Variants in GRIK4 observed in about 807,000 individuals in gnomAD.
The protein encoded by GRIK4 is glutamate receptor ionotropic, kainate 4.
GRIK4 carries 40 observed loss-of-function variants against 104.9 expected under a neutral mutation model. The observed-to-expected ratio is 0.38, with a 90% CI of 0.30 to 0.50. The LOEUF is 0.50. Ranked by LOEUF, GRIK4 falls within the 20% of genes least tolerant of loss-of-function variation. GRIK4 has a pLI of 0.93. For synonymous variants in GRIK4, 485 were observed against 524.9 expected (o/e 0.92, Z 1.04); for missense variants, 1,047 against 1,308.1 (o/e 0.80, Z 3.08).
intron 3 of GRIK4, among the ~76,000 whole-genome samples, chr11:120,727,281 A>G (rs565994423): frequency 1.2e-4 from 18 of 152,194 alleles, no homozygotes; most frequent in Non-Finnish European, 2.4e-4. Flanking sequence ...ACCACTGGGA[A>G]TGGAATAGAA....
chr11:120,614,727 C>T lies in GRIK4; in HGVS notation c.-158-38958C>T, dbSNP rs1015993658. Among the ~76,000 whole-genome samples, 5 of 152,272 alleles carry T rather than the reference C, an allele frequency of 3.3e-5. No individual in the cohort carries two copies. In the South Asian group the frequency reaches 6.2e-4, roughly 19 times the overall value. ...ATTAAAACTGTAAGTTGGCTGGGCG[C>T]GGTGGCTCACGTCTGTAATCCCAGC... is the stretch of plus-strand genomic sequence containing the variant. On this transcript the variant is annotated intron_variant, in intron 1 of 20. Coordinates refer to ENST00000527524, the MANE Select transcript of GRIK4 (RefSeq NM_014619.5).
intron 3 of GRIK4, among the ~76,000 whole-genome samples, chr11:120,706,575 G>A (rs1950632974): frequency 6.6e-6 from 1 of 152,160 alleles, no homozygotes; most frequent in South Asian, 2.1e-4. Flanking sequence ...TTGGTGGGTG[G>A]TATGCTCTGA....
intron 3 of GRIK4, among the ~76,000 whole-genome samples, chr11:120,685,220 T>C (rs1349226988): frequency 6.6e-6 from 1 of 152,222 alleles, no homozygotes; most frequent in African/African-American, 2.4e-5. Context: ...GTCTAGTTCA[T>C]TGTCGTTAAA....
At chr11:120,530,701 G>A (rs1312697071) in intron 1 of GRIK4, among the ~76,000 whole-genome samples, 1 of 152,130 alleles carries the variant, frequency 6.6e-6, no homozygotes. Context: ...CTGAGAATGG[G>A]GTTCAGAGGC....
At chr11:120,763,311 T>C (rs1951780645) in intron 3 of GRIK4, among the ~76,000 whole-genome samples, 1 of 152,206 alleles carries the variant, frequency 6.6e-6, no homozygotes, top group South Asian at 2.1e-4. Flanking sequence ...CATTTTTTAT[T>C]GTGTCTATTT....
intron 1 of GRIK4, among the ~76,000 whole-genome samples, chr11:120,599,961 GTT>G (rs1948861045): frequency 6.6e-6 from 1 of 152,240 alleles, no homozygotes; most frequent in South Asian, 2.1e-4. Context: ...TTAGAGGCTG[GTT>G]TTAGGTTTGA....
At chr11:120,648,010 C>T (rs1949565633) in intron 1 of GRIK4, among the ~76,000 whole-genome samples, 1 of 152,186 alleles carries the variant, frequency 6.6e-6, no homozygotes, top group Non-Finnish European at 1.5e-5. Context: ...ACAGTACCCA[C>T]AGCCTTTTTC....
chr11:120,606,301 C>T (rs916756026), intron 1 of GRIK4, among the ~76,000 whole-genome samples: 4 of 152,200 alleles, frequency 2.6e-5, no homozygotes, highest in Non-Finnish European at 5.9e-5. Flanking sequence ...CGCTCCTCAG[C>T]GTCTCACTTG....
In GRIK4 at chr11:120,940,422, A is replaced by C; in HGVS notation, c.1552A>C (p.Met518Leu). Residue 518 changes from methionine to leucine, a missense_variant, in exon 14 of 21, where the codon ATG becomes CTG. Transcript: ENST00000527524. The surrounding 1 kb of genome is among the most constrained non-coding windows in gnomAD (Gnocchi z 4.3). The part of the protein sequence containing the change: ...EKVIDFSKPF[M>L]TLGISILYRV... Reference sequence around the variant, plus strand: ...GGTGATTGATTTCTCTAAGCCATTCATGACTCTGGGAATTAGCATTCTTTA... The same window carrying C: ...GGTGATTGATTTCTCTAAGCCATTCCTGACTCTGGGAATTAGCATTCTTTA... 1 of 1,612,678 alleles carries C rather than the reference A, an allele frequency of 6.2e-7. No homozygotes were observed. The highest frequency in any genetic ancestry group is 8.5e-7 in the Non-Finnish European group (1 of 1,178,678).
intron 3 of GRIK4, among the ~76,000 whole-genome samples, chr11:120,704,817 C>T (rs1294615698): frequency 6.6e-6 from 1 of 151,654 alleles, no homozygotes; most frequent in African/African-American, 2.4e-5. Context: ...TTATTAACCT[C>T]TGCCATTCTA....
intron 3 of GRIK4, among the ~76,000 whole-genome samples, chr11:120,700,812 G>A (rs1228202467): frequency 1.3e-5 from 2 of 152,078 alleles, no homozygotes; most frequent in African/African-American, 4.8e-5. Flanking sequence ...GGCTGGTGTC[G>A]AACTTCTGAC....
chr11:120,541,991 A>C (rs1373010230), intron 1 of GRIK4, among the ~76,000 whole-genome samples: 1 of 152,228 alleles, frequency 6.6e-6, no homozygotes, highest in East Asian at 1.9e-4. Flanking sequence ...GGAGCCATAA[A>C]ATACCTCAAA....
intron 13 of GRIK4, among the ~76,000 whole-genome samples, chr11:120,906,319 C>T (rs1425877716): frequency 6.6e-6 from 1 of 152,224 alleles, no homozygotes; most frequent in Non-Finnish European, 1.5e-5. Flanking sequence ...TCTTGATGTG[C>T]CCTTGATCCA....
chr11:120,785,542 T>C (rs1375346247), intron 3 of GRIK4, among the ~76,000 whole-genome samples: 1 of 152,208 alleles, frequency 6.6e-6, no homozygotes, highest in Non-Finnish European at 1.5e-5. Context: ...GTCATGTTCT[T>C]TAGCTAATTG....
chr11:120,516,706 G>A lies in GRIK4; in HGVS notation c.-159+4819G>A, dbSNP rs148709037. Among the ~76,000 whole-genome samples the A allele has an allele frequency of 2.2e-3, 338 of 152,282 alleles. 3 individuals are homozygous for A. Among genetic ancestry groups the A allele is most frequent in the Admixed American group, 3.0e-3 (46 of 15,294 alleles). On this transcript the variant is annotated intron_variant, in intron 1 of 20. Transcript: ENST00000527524. Reference sequence around the variant, plus strand: ...ATGACATTTTCAAGAACAGCAGAGCGCGCTGACAGATTGGATGCAGCAGAT... The same window carrying A: ...ATGACATTTTCAAGAACAGCAGAGCACGCTGACAGATTGGATGCAGCAGAT...
At chr11:120,602,398 C>G (rs1286711072) in intron 1 of GRIK4, among the ~76,000 whole-genome samples, 1 of 152,158 alleles carries the variant, frequency 6.6e-6, no homozygotes, top group African/African-American at 2.4e-5. Context: ...CAGCCCCTCT[C>G]TGGGAATGGG....
At chr11:120,723,608 G>T (rs1388725993) in intron 3 of GRIK4, among the ~76,000 whole-genome samples, 1 of 152,214 alleles carries the variant, frequency 6.6e-6, no homozygotes, top group Non-Finnish European at 1.5e-5. Context: ...CTTGGAACCA[G>T]ACCTTCAGCC....
intron 12 of GRIK4, among the ~76,000 whole-genome samples, 193 bp downstream of exon 12, chr11:120,898,832 G>T (rs1317354665): frequency 6.6e-6 from 1 of 152,180 alleles, no homozygotes; most frequent in Non-Finnish European, 1.5e-5. Context: ...AGAGCAGGTG[G>T]GGGGAGGGTT....
chr11:120,893,172 G>C (rs553572483), intron 11 of GRIK4, among the ~76,000 whole-genome samples: 1 of 152,288 alleles, frequency 6.6e-6, no homozygotes, highest in East Asian at 1.9e-4. Context: ...CTTTAGAAAG[G>C]AGTTTTGGAA....
Sources: allele counts gnomAD v4.1 joint callset (sites outside exome capture counted in the v4.1 genomes callset), GRCh38; gene constraint gnomAD v4.1.1; non-coding constraint Gnocchi (gnomAD v3.1); transcripts MANE v1.5; gene names NCBI Gene and HGNC (gene_info 2026-07-23, HGNC 2026-07-21).